Variants in PPP2R5A observed in about 807,000 individuals in gnomAD.
The protein encoded by PPP2R5A is serine/threonine-protein phosphatase 2A 56 kDa regulatory subunit alpha isoform.
PPP2R5A carries 25 observed loss-of-function variants against 64.2 expected under a neutral mutation model. The observed-to-expected ratio is 0.39, with a 90% CI of 0.28 to 0.54. PPP2R5A has a LOEUF of 0.54. PPP2R5A is among the 20% of genes least tolerant of loss of function. The pLI, the probability that PPP2R5A is intolerant of heterozygous loss-of-function variation, is 0.67. For missense variants in PPP2R5A, 425 were observed against 576.3 expected, an observed-to-expected ratio of 0.74 and a Z score of 2.69; for synonymous variants, 198 against 201.2, an observed-to-expected ratio of 0.98 and a Z score of 0.13.
At chr1:212,334,817 T>G (rs1360171312) in intron 3 of PPP2R5A, among the ~76,000 whole-genome samples, 2 of 152,206 alleles carry the variant, frequency 1.3e-5, no homozygotes, top group South Asian at 2.1e-4. Flanking sequence ...GCTATAAATG[T>G]TATCTCTTTA....
chr1:212,304,031 TAAG>T (rs1658847324), intron 1 of PPP2R5A, among the ~76,000 whole-genome samples: 1 of 152,212 alleles, frequency 6.6e-6, no homozygotes, highest in South Asian at 2.1e-4. Context: ...ATTGCAAAGT[TAAG>T]TTTTTGATTT....
In PPP2R5A at chr1:212,360,977, A is replaced by C. The variant is rs1320191464; in HGVS notation, c.*207A>C. The C allele has an allele frequency of 1.1e-5, 4 of 351,924 alleles. No homozygotes were observed. Among genetic ancestry groups the C allele is most frequent in the Non-Finnish European group, 2.0e-5 (4 of 195,358 alleles). 21.8% of individuals were successfully genotyped at this position (351,924 alleles called of 1,614,324 possible). A position where few individuals can be genotyped will look rare whatever the true frequency, so the allele number is the denominator to read the frequency against. On this transcript the variant is annotated 3_prime_UTR_variant, in exon 13 of 13. Transcript: ENST00000261461. ...ATTGTAACCTTTGTCTAATCATTGGATTTATTGTGTCACTTCTGAAGTTTC... is the reference window on the plus strand; with the variant it reads ...ATTGTAACCTTTGTCTAATCATTGGCTTTATTGTGTCACTTCTGAAGTTTC...
chr1:212,300,087 T>A (rs1658772285), intron 1 of PPP2R5A, among the ~76,000 whole-genome samples: 1 of 152,158 alleles, frequency 6.6e-6, no homozygotes. Flanking sequence ...GTGCAGGGAT[T>A]AACAGGTGTG....
chr1:212,286,547 C>T (rs546666438), intron 1 of PPP2R5A, among the ~76,000 whole-genome samples: 4 of 152,332 alleles, frequency 2.6e-5, no homozygotes, highest in Non-Finnish European at 5.9e-5. Flanking sequence ...ACACCCTTCC[C>T]CACCTGCGCG....
At chr1:212,330,203 AATTTT>A (rs977914185) in intron 2 of PPP2R5A, among the ~76,000 whole-genome samples, 20 of 152,196 alleles carry the variant, frequency 1.3e-4, no homozygotes, top group African/African-American at 3.6e-4. Flanking sequence ...GTGATTTTTT[AATTTT>A]ATTTTATTGT....
At chr1:212,337,751 T>TA (rs1489113133) in intron 3 of PPP2R5A, among the ~76,000 whole-genome samples, 3 of 152,158 alleles carry the variant, frequency 2.0e-5, no homozygotes, top group East Asian at 1.9e-4. Context: ...AGGCTCCCTG[T>TA]ATTTAAACTA....
intron 2 of PPP2R5A, chr1:212,331,310 A>C (rs1269710337): frequency 1.3e-5 from 2 of 149,146 alleles, no homozygotes; most frequent in Non-Finnish European, 3.0e-5. Context: ...ACAAGCATAC[A>C]CCACCATGCC....
intron 2 of PPP2R5A, among the ~76,000 whole-genome samples, chr1:212,330,439 C>A (rs1659482896): frequency 6.6e-6 from 1 of 151,834 alleles, no homozygotes; most frequent in African/African-American, 2.4e-5. Context: ...GGCCCAGCTA[C>A]TCAGGAGGCT....
chr1:212,347,129 G>A (rs963382497), intron 5 of PPP2R5A, among the ~76,000 whole-genome samples: 2 of 152,108 alleles, frequency 1.3e-5, no homozygotes, highest in Non-Finnish European at 2.9e-5. Context: ...CACATATGGC[G>A]AGTTTTGGCA....
intron 1 of PPP2R5A, chr1:212,309,400 A>C (rs748305788): frequency 7.0e-7 from 1 of 1,423,294 alleles, no homozygotes; most frequent in Non-Finnish European, 9.8e-7. Flanking sequence ...TGACGTGCGG[A>C]TCTTCTTTTT....
intron 1 of PPP2R5A, among the ~76,000 whole-genome samples, chr1:212,310,315 A>G (rs1403133473): frequency 6.6e-6 from 1 of 152,034 alleles, no homozygotes; most frequent in East Asian, 1.9e-4. Flanking sequence ...TCTCTCCTGA[A>G]AAATAACTAG....
At chr1:212,291,100 ATTTAT>A (rs1172321349) in intron 1 of PPP2R5A, among the ~76,000 whole-genome samples, 6 of 151,500 alleles carry the variant, frequency 4.0e-5, no homozygotes, top group African/African-American at 1.5e-4. Flanking sequence ...TGGAGAGGTC[ATTTAT>A]TTTATTTTAT....
chr1:212,354,994 A>C (rs1412809434), intron 8 of PPP2R5A, among the ~76,000 whole-genome samples: 1 of 152,190 alleles, frequency 6.6e-6, no homozygotes. Context: ...TTAAATGATG[A>C]AGTTGCCTAA....
chr1:212,356,854 T>A, intron 9 of PPP2R5A, 96 bp from the exon 10 acceptor site: 7 of 1,306,444 alleles, frequency 5.4e-6, no homozygotes, highest in Non-Finnish European at 7.3e-6. Flanking sequence ...TTTTGCTTAT[T>A]GTATACTATG....
chr1:212,345,713 A>C (rs979293121), intron 4 of PPP2R5A, 90 bp from the exon 5 acceptor site: 4 of 1,402,156 alleles, frequency 2.9e-6, no homozygotes, highest in Admixed American at 5.1e-5. Context: ...AATTTTTAAA[A>C]GATGTCATGG....
In PPP2R5A at chr1:212,348,103, G is replaced by T. The variant is rs1659815741; in HGVS notation, c.765-286G>T. ...GGTACTGACTCTCCTGGAGCTTTGG[G>T]GGCAAAAATAAAAGCAACAATGCAT... On this transcript the variant is annotated intron_variant, in intron 6 of 12. Transcript: ENST00000261461. 2.6e-5 allele frequency among the ~76,000 whole-genome samples: 4 copies of T among 152,094 alleles called. No homozygotes were observed. In the South Asian group the frequency reaches 8.3e-4, roughly 32 times the overall value.
At chr1:212,355,794 CTTTG>C (rs1337042285) in intron 8 of PPP2R5A, among the ~76,000 whole-genome samples, 1 of 151,964 alleles carries the variant, frequency 6.6e-6, no homozygotes, top group African/African-American at 2.4e-5. Flanking sequence ...GTGTTTTCAA[CTTTG>C]TTTATTTAAA....
intron 1 of PPP2R5A, among the ~76,000 whole-genome samples, chr1:212,312,479 T>G (rs1054148627): frequency 4.6e-5 from 7 of 152,222 alleles, no homozygotes; most frequent in African/African-American, 7.2e-5. Context: ...CTTCTATCAG[T>G]TTCCCTGGTG....
At chr1:212,331,736 A>G (rs1659509361) in intron 2 of PPP2R5A, 2 of 152,226 alleles carry the variant, frequency 1.3e-5, no homozygotes, top group Non-Finnish European at 2.9e-5. Context: ...TGAAAGTCTC[A>G]AATATTTGAG....
Sources: gnomAD v4.1 joint callset for allele counts (sites outside exome capture counted in the v4.1 genomes callset) on GRCh38, gnomAD v4.1.1 for gene constraint, MANE v1.5 for transcripts, NCBI Gene and HGNC (gene_info 2026-07-23, HGNC 2026-07-21) for gene names.